Variants in NSL1 observed in about 807,000 individuals in gnomAD.
The protein encoded by NSL1 is kinetochore-associated protein NSL1 homolog.
NSL1 carries 11 observed loss-of-function variants against 25.4 expected under a neutral mutation model. The observed-to-expected ratio is 0.43, with a 90% CI of 0.27 to 0.72. NSL1 has a LOEUF of 0.72. NSL1 is among the 30% of genes least tolerant of loss of function. The pLI is 0.19. For missense variants in NSL1, 330 were observed against 342.7 expected (o/e 0.96, Z 0.29); for synonymous variants, 118 against 120.6 (o/e 0.98, Z 0.14).
chr1:212,747,815 G>A (rs534830466), intron 4 of NSL1, among the ~76,000 whole-genome samples: 1 of 152,210 alleles, frequency 6.6e-6, no homozygotes, highest in South Asian at 2.1e-4. Flanking sequence ...ACCCAGGCTG[G>A]AGTGCAGTGG....
At chr1:212,789,392 A>G (rs1448084511) in intron 1 of NSL1, among the ~76,000 whole-genome samples, 1 of 152,138 alleles carries the variant, frequency 6.6e-6, no homozygotes, top group African/African-American at 2.4e-5. Flanking sequence ...TTGTATTTTT[A>G]GTATAGACAG....
intron 4 of NSL1, among the ~76,000 whole-genome samples, chr1:212,778,330 T>C (rs1660475155): frequency 6.6e-6 from 1 of 152,236 alleles, no homozygotes; most frequent in Non-Finnish European, 1.5e-5. Context: ...CTAAGTTGAA[T>C]CAATGTTATA....
In NSL1 at chr1:212,731,048, T is replaced by C. The variant is rs1657992605; in HGVS notation, c.*7360A>G. ...GATTCTTTACCCCTGAAGCTTCAAATGAATATAACATTAATTTTCTCAAAT... is the reference window on the plus strand; with the variant it reads ...GATTCTTTACCCCTGAAGCTTCAAACGAATATAACATTAATTTTCTCAAAT... On this transcript the variant is annotated 3_prime_UTR_variant, in exon 6 of 6. Coordinates refer to ENST00000366977, the MANE Select transcript of NSL1 (RefSeq NM_015471.4). The C allele has an allele frequency of 1.0e-6, 1 of 985,184 alleles. No homozygotes were observed. Among genetic ancestry groups the C allele is most frequent in the South Asian group, 4.7e-5 (1 of 21,284 alleles). 61.0% of individuals were successfully genotyped at this position (985,184 alleles called of 1,614,324 possible). A position where few individuals can be genotyped will look rare whatever the true frequency, so the allele number is the denominator to read the frequency against.
chr1:212,731,666 T>C lies in NSL1; in HGVS notation c.*6742A>G, dbSNP rs1183570419. 7 of 985,460 alleles carry C rather than the reference T, an allele frequency of 7.1e-6. No individual in the cohort carries two copies. Among genetic ancestry groups the C allele is most frequent in the Non-Finnish European group, 7.2e-6 (6 of 829,936 alleles). 61.0% of individuals were successfully genotyped at this position (985,460 alleles called of 1,614,324 possible). A position where few individuals can be genotyped will look rare whatever the true frequency, so the allele number is the denominator to read the frequency against. The stretch of plus-strand genomic sequence containing the variant: ...CCACTTCGTCAGCTCTTTATTCTGC[T>C]GCACTAAATTATATCCATATTGTAT... On this transcript the variant is annotated 3_prime_UTR_variant, in exon 6 of 6. Coordinates refer to ENST00000366977, the MANE Select transcript of NSL1 (RefSeq NM_015471.4).
chr1:212,763,532 C>T (rs1659667706), intron 4 of NSL1, among the ~76,000 whole-genome samples: 1 of 152,070 alleles, frequency 6.6e-6, no homozygotes, highest in Non-Finnish European at 1.5e-5. Flanking sequence ...CTGCTGTCAT[C>T]AAGAGACTCA....
chr1:212,745,776 A>T (rs1658762532), intron 4 of NSL1, among the ~76,000 whole-genome samples: 1 of 151,804 alleles, frequency 6.6e-6, no homozygotes, highest in Non-Finnish European at 1.5e-5. Context: ...CAACCTGGAC[A>T]ACATGGCGAA....
chr1:212,757,156 A>G (rs73081853), intron 4 of NSL1, among the ~76,000 whole-genome samples: 31,019 of 152,066 alleles, frequency 0.2, 3,990 homozygotes, highest in African/African-American at 0.37. Context: ...TGTTCTTGGT[A>G]TGTCCTGAAA....
Position 212,735,572 on chromosome 1 carries a change from T to C in NSL1, c.*2836A>G. 1 of 978,286 alleles carries C rather than the reference T, an allele frequency of 1.0e-6. No homozygotes were observed. 60.6% of individuals were successfully genotyped at this position (978,286 alleles called of 1,614,324 possible). A position where few individuals can be genotyped will look rare whatever the true frequency, so the allele number is the denominator to read the frequency against. On this transcript the variant is annotated 3_prime_UTR_variant, in exon 6 of 6. Coordinates refer to ENST00000366977, the MANE Select transcript of NSL1 (RefSeq NM_015471.4). ...GCTTGTGTTATGGACTCAATGTTTG[T>C]GTCCCCCTAAAATCTGTATGATGAA...
intron 4 of NSL1, among the ~76,000 whole-genome samples, chr1:212,743,120 C>T (rs984909643): frequency 2.6e-5 from 4 of 152,232 alleles, no homozygotes; most frequent in South Asian, 4.1e-4. Flanking sequence ...AAAACATTTA[C>T]GGATTAAATG....
In NSL1 at chr1:212,791,754, A is replaced by G; in HGVS notation, c.10T>C (p.Ser4Pro). The G allele has an allele frequency of 6.3e-7, 1 of 1,596,104 alleles. No individual in the cohort carries two copies. Among genetic ancestry groups the G allele is most frequent in the Non-Finnish European group, 8.5e-7 (1 of 1,170,010 alleles). MAG[S>P]PELVVLDPPW... Reference sequence around the variant, plus strand: ...GGGTCAAGGACCACCAACTCAGGAGACCCCGCCATTTTTCGTCGGAACTGT... The same window carrying G: ...GGGTCAAGGACCACCAACTCAGGAGGCCCCGCCATTTTTCGTCGGAACTGT... The change falls in exon 1 of 6, where the codon TCT becomes CCT. Residue 4 changes from serine to proline, a missense_variant. Physicochemically the swap from Ser to Pro is moderately conservative, Grantham distance 74. Transcript: ENST00000366977.
In NSL1 at chr1:212,776,741, A is replaced by C. The variant is rs574390878; in HGVS notation, c.499+5631T>G. Among the ~76,000 whole-genome samples, 448 of 151,156 alleles carry C rather than the reference A, an allele frequency of 3.0e-3. 3 individuals are homozygous for C. The highest frequency in any genetic ancestry group is 6.4e-3 in the African/African-American group (262 of 40,816). On this transcript the variant is annotated intron_variant, in intron 4 of 5. Coordinates refer to ENST00000366977, the MANE Select transcript of NSL1 (RefSeq NM_015471.4). ...AACAAAACAACAACAACAACAACAAAAAAAACCAACAACAACAAAAACTTC... is the reference window on the plus strand; with the variant it reads ...AACAAAACAACAACAACAACAACAACAAAAACCAACAACAACAAAAACTTC...
At chr1:212,754,181 A>G (rs1659193799) in intron 4 of NSL1, among the ~76,000 whole-genome samples, 1 of 152,230 alleles carries the variant, frequency 6.6e-6, no homozygotes, top group Admixed American at 6.5e-5. Context: ...TCAGTAGTGC[A>G]TAAAACTCCC....
At chr1:212,790,935 T>A (rs868347760) in intron 1 of NSL1, among the ~76,000 whole-genome samples, 2,760 of 145,222 alleles carry the variant, frequency 0.019, 41 homozygotes, top group African/African-American at 0.047. Context: ...AAAAAAAAAA[T>A]AAAATAAAAT....
intron 4 of NSL1, among the ~76,000 whole-genome samples, chr1:212,757,546 GTGAGCTTTCAATCA>G (rs1304534841): frequency 2.0e-5 from 3 of 152,194 alleles, no homozygotes; most frequent in Non-Finnish European, 2.9e-5. Context: ...TAGGGCCTCA[GTGAGCTTTCAATCA>G]TGATGGAAGC....
chr1:212,769,243 C>T (rs531636409), intron 4 of NSL1, among the ~76,000 whole-genome samples: 2 of 152,168 alleles, frequency 1.3e-5, no homozygotes, highest in Admixed American at 1.3e-4. Context: ...AAAAGATATA[C>T]ACATACAGAT....
intron 4 of NSL1, among the ~76,000 whole-genome samples, chr1:212,780,622 C>CTGAT (rs1377969581): frequency 6.6e-6 from 1 of 151,706 alleles, no homozygotes; most frequent in Non-Finnish European, 1.5e-5. Flanking sequence ...TCCTATGCTG[C>CTGAT]TGATTCAGAC....
intron 5 of NSL1, among the ~76,000 whole-genome samples, chr1:212,739,212 T>G (rs893270311): frequency 2.6e-5 from 4 of 152,186 alleles, no homozygotes; most frequent in African/African-American, 4.8e-5. Flanking sequence ...TGTAAAGCAG[T>G]TGGATGGTGC....
chr1:212,758,990 C>G (rs911772962), intron 4 of NSL1, among the ~76,000 whole-genome samples: 1 of 152,156 alleles, frequency 6.6e-6, no homozygotes, highest in Non-Finnish European at 1.5e-5. Context: ...ATATTACAGT[C>G]AACTGATTTC....
chr1:212,776,807 A>ACC (rs1660394576), intron 4 of NSL1, among the ~76,000 whole-genome samples: 1 of 152,002 alleles, frequency 6.6e-6, no homozygotes, highest in South Asian at 2.1e-4. Flanking sequence ...CTGAACTATG[A>ACC]AAGTTCTACA....
Sources: gnomAD v4.1 joint callset for allele counts (sites outside exome capture counted in the v4.1 genomes callset) on GRCh38, gnomAD v4.1.1 for gene constraint, MANE v1.5 for transcripts, NCBI Gene and HGNC (gene_info 2026-07-23, HGNC 2026-07-21) for gene names.